ZNF532: variants seen among roughly 807,000 people sequenced by gnomAD.
The protein encoded by ZNF532 is zinc finger protein 532.
In ZNF532, 22 loss-of-function variants were observed where a neutral mutation model predicts 89.3. That is an observed-to-expected ratio of 0.25 (90% CI 0.18 to 0.35). ZNF532 has a LOEUF of 0.35. Ranked by LOEUF, ZNF532 falls within the 10% of genes least tolerant of loss-of-function variation. The pLI is 1.00. For missense variants in ZNF532, 1,132 were observed against 1,643.4 expected, an observed-to-expected ratio of 0.69 and a Z score of 5.38; for synonymous variants, 606 against 649.6, an observed-to-expected ratio of 0.93 and a Z score of 1.02.
rs770638520 is a variant in ZNF532, at chr18:58,880,763, C to CTGTGTGTGTGTGTGTGTGTGTGTGTGTGT, written c.-18+15184_-18+15185insTGTGTGTGTGTGTGTGTGTGTGTGTGTGT. ...GAGCCCTCTCATAGGCGCGCGCGCA[C>CTGTGTGTGTGTGTGTGTGTGTGTGTGTGT]GCGCGCGCGTCTGTGTGTGTGTGTG... On this transcript the variant is annotated intron_variant, in intron 2 of 9. Coordinates refer to ENST00000591808, the MANE Select transcript of ZNF532 (RefSeq NM_001375912.1). 5.6e-3 allele frequency among the ~76,000 whole-genome samples: 671 copies of CTGTGTGTGTGTGTGTGTGTGTGTGTGTGT among 119,592 alleles called. 14 individuals are homozygous for CTGTGTGTGTGTGTGTGTGTGTGTGTGTGT. The highest frequency in any genetic ancestry group is 9.6e-3 in the Admixed American group (102 of 10,634). The allele number at this position is 119,592 out of a possible 152,430, so 78.5% of individuals were successfully genotyped here.
chr18:58,950,651 A>G (rs2064069283), intron 6 of ZNF532, among the ~76,000 whole-genome samples: 1 of 152,038 alleles, frequency 6.6e-6, no homozygotes, highest in Non-Finnish European at 1.5e-5. Flanking sequence ...AATTTGTGTC[A>G]TTTTCTTCTC....
chr18:58,887,516 A>C (rs1177788659), intron 2 of ZNF532, among the ~76,000 whole-genome samples: 1 of 152,122 alleles, frequency 6.6e-6, no homozygotes, highest in Admixed American at 6.6e-5. Context: ...TTATTGTTCG[A>C]TGCATATTTA....
chr18:58,863,934 G>A (rs1262867870), upstream of ZNF532, among the ~76,000 whole-genome samples: 2 of 151,680 alleles, frequency 1.3e-5, no homozygotes, highest in Non-Finnish European at 3.0e-5. Flanking sequence ...GCCCGCAGTG[G>A]CCTGTCCCAC....
chr18:58,872,355 C>T lies in ZNF532; in HGVS notation c.-18+6776C>T, dbSNP rs1417536138. On this transcript the variant is annotated intron_variant, in intron 2 of 9. Transcript: ENST00000591808. Reference sequence around the variant, plus strand: ...CCATCAGCCTTTGCATTTTGGGACACAAACTCCTCCTTTCCCCAAGGCTGA... The same window carrying T: ...CCATCAGCCTTTGCATTTTGGGACATAAACTCCTCCTTTCCCCAAGGCTGA... Among the ~76,000 whole-genome samples, 3 of 152,316 alleles carry T rather than the reference C, an allele frequency of 2.0e-5. No individual in the cohort carries two copies. In the East Asian group the frequency reaches 5.8e-4, roughly 29 times the overall value.
Position 58,985,823 on chromosome 18 carries a change from C to A in ZNF532, c.*1357C>A, listed in dbSNP as rs1273489034. On this transcript the variant is annotated 3_prime_UTR_variant, in exon 10 of 10. Transcript: ENST00000591808. ...TCTTTTGTGTATATATAGATACTTG[C>A]ATGATATACTGTAGTCAATGTTCGG... 1 of 137,452 alleles carries A rather than the reference C, an allele frequency of 7.3e-6. No homozygotes were observed. The highest frequency in any genetic ancestry group is 1.5e-5 in the Non-Finnish European group (1 of 66,036). 8.5% of individuals were successfully genotyped at this position (137,452 alleles called of 1,614,324 possible). A position where few individuals can be genotyped will look rare whatever the true frequency, so the allele number is the denominator to read the frequency against.
At chr18:58,901,153 T>C (rs983970289) in intron 2 of ZNF532, among the ~76,000 whole-genome samples, 2 of 152,254 alleles carry the variant, frequency 1.3e-5, no homozygotes, top group Admixed American at 1.3e-4. Context: ...TTCCTTCTTA[T>C]GCCCTTGTTT....
At position 58,938,662 on chromosome 18, in the gene ZNF532, G is replaced by A. The variant is rs537022237; in HGVS notation, c.2529-783G>A. ...CCACATACATTGACCACATCAGTGT[G>A]TACCAGGAAACAGTGGGCCGAGGCC... is the stretch of plus-strand genomic sequence containing the variant. On this transcript the variant is annotated intron_variant, in intron 4 of 9. Transcript: ENST00000591808. 3.1e-4 allele frequency among the ~76,000 whole-genome samples: 47 copies of A among 152,292 alleles called. 1 individual carries two copies. The highest frequency in any genetic ancestry group is 1.1e-3 in the African/African-American group (47 of 41,550).
At chr18:58,973,623 C>T (rs1010004978) in intron 7 of ZNF532, among the ~76,000 whole-genome samples, 1 of 152,152 alleles carries the variant, frequency 6.6e-6, no homozygotes, top group African/African-American at 2.4e-5. Context: ...TAACATATGA[C>T]TTAGTAATCC....
In ZNF532 at chr18:58,985,006, T is replaced by G. The variant is rs561011772; in HGVS notation, c.*540T>G. Reference sequence around the variant, plus strand: ...GATGTGCCTGCCCTGAGGGAGTGAGTTCACATTTGAGACAACTGCACTCCA... The same window carrying G: ...GATGTGCCTGCCCTGAGGGAGTGAGGTCACATTTGAGACAACTGCACTCCA... On this transcript the variant is annotated 3_prime_UTR_variant, in exon 10 of 10. Coordinates refer to ENST00000591808, the MANE Select transcript of ZNF532 (RefSeq NM_001375912.1). 1 of 155,164 alleles carries G rather than the reference T, an allele frequency of 6.4e-6. No individual in the cohort carries two copies. The highest frequency in any genetic ancestry group is 1.4e-5 in the Non-Finnish European group (1 of 69,872). The allele number at this position is 155,164 out of a possible 1,614,324, so 9.6% of individuals were successfully genotyped here.
intron 7 of ZNF532, among the ~76,000 whole-genome samples, chr18:58,956,468 C>T (rs764311369): frequency 5.3e-5 from 8 of 152,152 alleles, no homozygotes; most frequent in Non-Finnish European, 7.3e-5. Flanking sequence ...GAGAGTTCCA[C>T]CATGCCAAGT....
intron 7 of ZNF532, among the ~76,000 whole-genome samples, chr18:58,968,013 C>T (rs796770996): frequency 6.6e-5 from 10 of 152,360 alleles, no homozygotes; most frequent in African/African-American, 2.4e-4. Flanking sequence ...CCCTACAAGG[C>T]ATGCAGGCAA....
In ZNF532 at chr18:58,918,271, A is replaced by G; in HGVS notation, c.-17A>G. ...GAACTATTTTCTGCTCATTTAACAG[A>G]ACATCTGCTCAAATTAATGACCATG... On this transcript the variant is annotated splice_region_variant and 5_prime_UTR_variant, in exon 3 of 10. Transcript: ENST00000591808. 1 of 1,605,142 alleles carries G rather than the reference A, an allele frequency of 6.2e-7. No homozygotes were observed. The highest frequency in any genetic ancestry group is 8.5e-7 in the Non-Finnish European group (1 of 1,174,440).
intron 2 of ZNF532, among the ~76,000 whole-genome samples, chr18:58,877,819 T>C (rs746096012): frequency 2.6e-5 from 4 of 152,062 alleles, no homozygotes; most frequent in Non-Finnish European, 5.9e-5. Context: ...GTCCTAAGGA[T>C]GGTCAAGGCT....
At chr18:58,974,635 G>T (rs7244106) in intron 7 of ZNF532, among the ~76,000 whole-genome samples, 1 of 152,148 alleles carries the variant, frequency 6.6e-6, no homozygotes, top group Non-Finnish European at 1.5e-5. Context: ...ACTACAGAAT[G>T]CTGTGGAGTT....
chr18:58,982,085 A>G (rs576302359), intron 9 of ZNF532, among the ~76,000 whole-genome samples: 2 of 148,224 alleles, frequency 1.3e-5, no homozygotes, highest in South Asian at 2.1e-4. Context: ...TGACCTCATC[A>G]TCAGGAGTTC....
chr18:58,865,909 TTTTCCCGA>T (rs1179527931), intron 2 of ZNF532, among the ~76,000 whole-genome samples: 1 of 152,172 alleles, frequency 6.6e-6, no homozygotes, highest in African/African-American at 2.4e-5. Context: ...ACATGTGGCA[TTTTCCCGA>T]TGATTATAAG....
chr18:58,865,967 C>A (rs1424526212), intron 2 of ZNF532, among the ~76,000 whole-genome samples: 16 of 152,164 alleles, frequency 1.1e-4, no homozygotes, highest in Non-Finnish European at 1.8e-4. Flanking sequence ...GCCTAGCCAC[C>A]TTTTTAGGAT....
rs761552687 is a variant in ZNF532, at chr18:58,984,476, C to T, written c.*10C>T. On this transcript the variant is annotated 3_prime_UTR_variant, in exon 10 of 10. Coordinates refer to ENST00000591808, the MANE Select transcript of ZNF532 (RefSeq NM_001375912.1). ...CTCAGCCGAGAAATAGCCACAGATG[C>T]TCCATGAGGAAAATCCCTGTCCACA... is the stretch of plus-strand genomic sequence containing the variant. The T allele has an allele frequency of 3.7e-5, 59 of 1,603,202 alleles. No homozygotes were observed. The Admixed American group carries it at 8.8e-4, about 24-fold the overall frequency.
intron 5 of ZNF532, among the ~76,000 whole-genome samples, chr18:58,942,075 T>G (rs184563095): frequency 1.4e-5 from 2 of 144,816 alleles, no homozygotes; most frequent in Non-Finnish European, 3.0e-5. Flanking sequence ...CAGGCTGGAG[T>G]GCAGTGGCAC....
Sources: allele counts gnomAD v4.1 joint callset (sites outside exome capture counted in the v4.1 genomes callset), GRCh38; gene constraint gnomAD v4.1.1; transcripts MANE v1.5; gene names NCBI Gene and HGNC (gene_info 2026-07-23, HGNC 2026-07-21).